The following SPACA6 variants were observed in gnomAD, a reference collection of about 807,000 sequenced individuals.
The protein encoded by SPACA6 is sperm acrosome associated 6.
For synonymous variants in SPACA6, 6 were observed against 1.5 expected (o/e 4.05, Z -2.21); for missense variants, 8 against 2.8 (o/e 2.88, Z -1.34).
chr19:51,706,798 C>A (rs1038131188), downstream of SPACA6, among the ~76,000 whole-genome samples: 9 of 151,986 alleles, frequency 5.9e-5, no homozygotes, highest in African/African-American at 2.2e-4. Context: ...TAGCTGGGAA[C>A]ACAGGCATGC....
chr19:51,706,955 C>T (rs781637572), downstream of SPACA6, among the ~76,000 whole-genome samples: 7 of 152,218 alleles, frequency 4.6e-5, no homozygotes, highest in Non-Finnish European at 5.9e-5. Flanking sequence ...GCCACCGCTC[C>T]CAGCCGTTAA....
intron 1 of SPACA6, 102 bp downstream of exon 1, chr19:51,693,842 G>A (rs769258978): frequency 7.5e-6 from 3 of 401,148 alleles, no homozygotes; most frequent in Non-Finnish European, 1.3e-5. Flanking sequence ...GAGAGAAACA[G>A]TCAGAGGAGA....
At chr19:51,691,160 C>A (rs545904692), upstream of SPACA6, among the ~76,000 whole-genome samples, 4 of 151,468 alleles carry the variant, frequency 2.6e-5, no homozygotes, top group South Asian at 2.1e-4. Flanking sequence ...CAGCTCCAGA[C>A]CTGGCTCGAG....
chr19:51,708,241 T>C (rs1298047648), downstream of SPACA6, among the ~76,000 whole-genome samples: 4 of 151,988 alleles, frequency 2.6e-5, no homozygotes, highest in East Asian at 1.9e-4. Flanking sequence ...AGGAGCTCTA[T>C]GTAAGACGCT....
At chr19:51,691,703 G>A (rs2083374477), upstream of SPACA6, among the ~76,000 whole-genome samples, 2 of 151,282 alleles carry the variant, frequency 1.3e-5, no homozygotes, top group African/African-American at 4.8e-5. Flanking sequence ...TGCGAGAAAG[G>A]AACCGGAAGG....
At chr19:51,707,856 C>G (rs111226003), downstream of SPACA6, among the ~76,000 whole-genome samples, 10 of 152,290 alleles carry the variant, frequency 6.6e-5, 1 homozygote, top group African/African-American at 2.2e-4. Context: ...AAGGAAATAG[C>G]TTAATAGCCA....
At chr19:51,708,426 G>A (rs571961949), downstream of SPACA6, among the ~76,000 whole-genome samples, 14 of 152,336 alleles carry the variant, frequency 9.2e-5, no homozygotes, top group South Asian at 2.7e-3. Flanking sequence ...ATGGGGCCGA[G>A]GGAAGTAGCA....
At chr19:51,696,325 A>G (rs1169996601) in intron 2 of SPACA6, among the ~76,000 whole-genome samples, 4 of 152,170 alleles carry the variant, frequency 2.6e-5, no homozygotes, top group Non-Finnish European at 5.9e-5. Flanking sequence ...GGTTGCTTAT[A>G]TTGGGGTGGA....
At chr19:51,688,897 AAG>A (rs71189610), upstream of SPACA6, among the ~76,000 whole-genome samples, 1 of 145,064 alleles carries the variant, frequency 6.9e-6, no homozygotes, top group East Asian at 2.3e-4. Flanking sequence ...GGAGGAGGGA[AAG>A]AGGGAGAGAG....
chr19:51,706,390 A>G (rs1227487006), downstream of SPACA6, among the ~76,000 whole-genome samples: 2 of 152,032 alleles, frequency 1.3e-5, no homozygotes, highest in African/African-American at 4.8e-5. Context: ...CTGGCACTGT[A>G]TTGACTTAAC....
chr19:51,702,691 G>T, intron 4 of SPACA6, 39 bp downstream of exon 4: 1 of 399,204 alleles, frequency 2.5e-6, no homozygotes, highest in South Asian at 1.3e-4. Context: ...TGCGGGGTAA[G>T]GGAGGCGGTC....
Position 51,704,444 on chromosome 19 carries a change from G to A in SPACA6, c.905G>A (p.Gly302Glu), listed in dbSNP as rs2083498415. 4 of 401,052 alleles carry A rather than the reference G, an allele frequency of 1.0e-5. No homozygotes were observed. Among genetic ancestry groups the A allele is most frequent in the African/African-American group, 8.2e-5 (4 of 48,682 alleles). The allele number at this position is 401,052 out of a possible 1,614,324, so 24.8% of individuals were successfully genotyped here. A position where few individuals can be genotyped will look rare whatever the true frequency, so the allele number is the denominator to read the frequency against. Residue 302 changes from glycine (G) to glutamate (E), a missense_variant, in exon 8 of 9, where the codon GGG becomes GAG. Coordinates refer to ENST00000637797, the MANE Select transcript of SPACA6 (RefSeq NM_001316972.2). ...PSNLFLLAVL[G>E]ALASASATVL... ...AATCTGTTCCTGCTTGCAGTCCTCG[G>A]GGCCCTCGCATCAGCGAGTGCGACA...
chr19:51,682,764 G>A, the SPACA6 span, among the ~76,000 whole-genome samples: 20 of 152,154 alleles, frequency 1.3e-4, no homozygotes, highest in African/African-American at 2.4e-4. Flanking sequence ...GAAATTATCC[G>A]GGCACAGTGT....
At chr19:51,705,441 C>T (rs190739895), downstream of SPACA6, 1 of 247,984 alleles carries the variant, frequency 4.0e-6, no homozygotes, top group Admixed American at 5.5e-5. Context: ...CAAGGCTTTC[C>T]TCCTACCAGA....
Position 51,703,962 on chromosome 19 carries a change from G to C in SPACA6, c.574-68G>C. ...CTCCAGGGGGCGTGGTCTGGCTCGG[G>C]GGGCGGGGCTTGTAGGTTACTCAGT... On this transcript the variant is annotated intron_variant, in intron 6 of 8. Coordinates refer to ENST00000637797, the MANE Select transcript of SPACA6 (RefSeq NM_001316972.2). This position sits in a 1 kb window ranked among gnomAD's most constrained non-coding sequence, Gnocchi z 4.2. 1 of 399,146 alleles carries C rather than the reference G, an allele frequency of 2.5e-6. No individual in the cohort carries two copies. The highest frequency in any genetic ancestry group is 4.4e-6 in the Non-Finnish European group (1 of 226,266). 24.7% of individuals were successfully genotyped at this position (399,146 alleles called of 1,614,324 possible).
At chr19:51,691,004 G>A (rs2083366102), upstream of SPACA6, among the ~76,000 whole-genome samples, 1 of 37,414 alleles carries the variant, frequency 2.7e-5, no homozygotes, top group South Asian at 1.2e-3. Flanking sequence ...TTGGGAAGGA[G>A]GGAAGGGGGA....
At chr19:51,684,191 G>A (rs751501102), upstream of SPACA6, among the ~76,000 whole-genome samples, 1 of 152,076 alleles carries the variant, frequency 6.6e-6, no homozygotes, top group Non-Finnish European at 1.5e-5. Flanking sequence ...ATGTGGAGTG[G>A]GTTACTTAAA....
intron 3 of SPACA6, among the ~76,000 whole-genome samples, chr19:51,702,123 C>T (rs1462658922): frequency 6.6e-6 from 1 of 152,158 alleles, no homozygotes; most frequent in Non-Finnish European, 1.5e-5. Flanking sequence ...CTGGCCCCAT[C>T]TCTGAGCCTC....
chr19:51,686,769 A>G (rs1160368790), upstream of SPACA6: 1 of 152,208 alleles, frequency 6.6e-6, no homozygotes, highest in African/African-American at 2.4e-5. Context: ...TGGGATAATA[A>G]TAGTTTCTAA....
Sources: gnomAD v4.1 joint callset for allele counts (sites outside exome capture counted in the v4.1 genomes callset) on GRCh38, gnomAD v4.1.1 for gene constraint, Gnocchi (gnomAD v3.1) non-coding constraint, MANE v1.5 for transcripts, NCBI Gene and HGNC (gene_info 2026-07-23, HGNC 2026-07-21) for gene names.